Variants in NEMP2 observed in about 807,000 individuals in gnomAD.
The protein encoded by NEMP2 is UPF0571 transmembrane protein.
Under a neutral mutation model 54.2 loss-of-function variants are expected in NEMP2, and 53 were observed. That is an observed-to-expected ratio of 0.98 (90% CI 0.78 to 1.23). The LOEUF is 1.23. Ranked by LOEUF, NEMP2 falls within the 50% of genes most tolerant of loss-of-function variation. The probability of loss-of-function intolerance (pLI) is 0.00; values close to 1 mark genes in which losing one functional copy is unlikely to be tolerated. For synonymous variants in NEMP2, 197 were observed against 190.3 expected, an observed-to-expected ratio of 1.04 and a Z score of -0.29; for missense variants, 455 against 511.3, an observed-to-expected ratio of 0.89 and a Z score of 1.06.
At chr2:190,471,534 G>C in the NEMP2 span, among the ~76,000 whole-genome samples, 3 of 152,354 alleles carry the variant, frequency 2.0e-5, no homozygotes, top group Non-Finnish European at 4.4e-5. The surrounding 1 kb of genome is among the most constrained non-coding windows in gnomAD (Gnocchi z 4.7). Flanking sequence ...GCGGCAGTGA[G>C]GCTGGGGGAG....
At chr2:190,439,171 C>G in the NEMP2 span, among the ~76,000 whole-genome samples, 1 of 151,870 alleles carries the variant, frequency 6.6e-6, no homozygotes, top group Non-Finnish European at 1.5e-5. This position sits in a 1 kb window ranked among gnomAD's most constrained non-coding sequence, Gnocchi z 5.8. Flanking sequence ...TCAGCTTGGG[C>G]AGATGAGCAA....
chr2:190,516,214 A>G (rs1326227634), intron 6 of NEMP2, 56 bp downstream of exon 6: 2 of 1,248,548 alleles, frequency 1.6e-6, no homozygotes, highest in Non-Finnish European at 2.2e-6. Context: ...GAAGGCCTCT[A>G]GTTGTACATC....
At chr2:190,630,529 T>C in the NEMP2 span, among the ~76,000 whole-genome samples, 1 of 152,190 alleles carries the variant, frequency 6.6e-6, no homozygotes, top group Non-Finnish European at 1.5e-5. The surrounding 1 kb of genome is among the most constrained non-coding windows in gnomAD (Gnocchi z 5.5). Context: ...CTTTGAGTTT[T>C]GATGTGAAAT....
the NEMP2 span, among the ~76,000 whole-genome samples, chr2:190,453,304 A>G: frequency 6.6e-6 from 1 of 152,034 alleles, no homozygotes; most frequent in African/African-American, 2.4e-5. Context: ...GGGTAGGGGA[A>G]GAGGATCCTG....
At chr2:190,482,450 A>G in the NEMP2 span, among the ~76,000 whole-genome samples, 2 of 145,206 alleles carry the variant, frequency 1.4e-5, no homozygotes, top group African/African-American at 2.6e-5. Context: ...GCTTTGGTCT[A>G]TTCATGGGAA....
the NEMP2 span, among the ~76,000 whole-genome samples, chr2:190,475,875 T>C: frequency 6.6e-6 from 1 of 151,918 alleles, no homozygotes; most frequent in African/African-American, 2.4e-5. Context: ...TATAGACCAA[T>C]GGAACAGAAC....
In NEMP2 at chr2:190,529,918, C is replaced by A. The variant is rs1047849481; in HGVS notation, c.98-4540G>T. The stretch of plus-strand genomic sequence containing the variant: ...CTGGAAGCCACAGGCTGCACTTCCC[C>A]CTTGCCCTACCCCATGGCCAATACA... On this transcript the variant is annotated intron_variant, in intron 1 of 8. Coordinates refer to ENST00000409150, the MANE Select transcript of NEMP2 (RefSeq NM_001142645.2). The surrounding 1 kb of genome is among the most constrained non-coding windows in gnomAD (Gnocchi z 4.7). Among the ~76,000 whole-genome samples, 1 of 152,226 alleles carries A rather than the reference C, an allele frequency of 6.6e-6. No individual in the cohort carries two copies. Among genetic ancestry groups the A allele is most frequent in the African/African-American group, 2.4e-5 (1 of 41,458 alleles).
chr2:190,636,453 T>C, the NEMP2 span, among the ~76,000 whole-genome samples: 1 of 152,360 alleles, frequency 6.6e-6, no homozygotes, highest in South Asian at 2.1e-4. Flanking sequence ...AATACCATAT[T>C]GGAGGCTTTA....
the NEMP2 span, among the ~76,000 whole-genome samples, chr2:190,564,292 T>C: frequency 6.6e-6 from 1 of 152,248 alleles, no homozygotes; most frequent in South Asian, 2.1e-4. This position sits in a 1 kb window ranked among gnomAD's most constrained non-coding sequence, Gnocchi z 4.2. Flanking sequence ...CAGGAACCAT[T>C]TGTCCTTCTC....
At chr2:190,610,313 T>C in the NEMP2 span, 1 of 152,214 alleles carries the variant, frequency 6.6e-6, no homozygotes, top group African/African-American at 2.4e-5. This position sits in a 1 kb window ranked among gnomAD's most constrained non-coding sequence, Gnocchi z 5.4. Context: ...ATAGAAGGAA[T>C]CTAAGATGAG....
the NEMP2 span, among the ~76,000 whole-genome samples, chr2:190,432,457 C>T: frequency 6.6e-6 from 1 of 152,156 alleles, no homozygotes; most frequent in South Asian, 2.1e-4. Context: ...CTCCGTCACC[C>T]AGGCTGGAGA....
the NEMP2 span, among the ~76,000 whole-genome samples, chr2:190,588,349 G>GTCTCTT: frequency 3.9e-5 from 6 of 152,160 alleles, 1 homozygote; most frequent in Admixed American, 3.9e-4. This position sits in a 1 kb window ranked among gnomAD's most constrained non-coding sequence, Gnocchi z 5.0. Flanking sequence ...CAATCTTTCT[G>GTCTCTT]TCTCTTTCTC....
At chr2:190,532,266 T>C (rs368243243) in intron 1 of NEMP2, among the ~76,000 whole-genome samples, 1 of 152,034 alleles carries the variant, frequency 6.6e-6, no homozygotes, top group Non-Finnish European at 1.5e-5. Flanking sequence ...TTAACCTCAG[T>C]TTTTTTTAAC....
At chr2:190,499,820 C>T (rs528899537), downstream of NEMP2, 19 of 1,533,962 alleles carry the variant, frequency 1.2e-5, no homozygotes, top group Non-Finnish European at 1.5e-5. The surrounding 1 kb of genome is among the most constrained non-coding windows in gnomAD (Gnocchi z 6.0). Flanking sequence ...GTTTTTCATG[C>T]GGCTCTGGCA....
chr2:190,455,000 A>ATGTATATGTATATGTATATGTAT, the NEMP2 span, among the ~76,000 whole-genome samples: 174 of 46,602 alleles, frequency 3.7e-3, 1 homozygote, highest in African/African-American at 6.2e-3. This position sits in a 1 kb window ranked among gnomAD's most constrained non-coding sequence, Gnocchi z 4.6. Context: ...GTATATGTAT[A>ATGTATATGTATATGTATATGTAT]ATGTATATGT....
At chr2:190,645,650 T>C in the NEMP2 span, among the ~76,000 whole-genome samples, 3 of 152,254 alleles carry the variant, frequency 2.0e-5, no homozygotes, top group East Asian at 5.8e-4. Context: ...AGCCACTGAA[T>C]ATACAGCAGT....
rs1690792976 is a variant in NEMP2 at position 190,522,681 on chromosome 2, A to G, written c.213+2582T>C. Among the ~76,000 whole-genome samples, 1 of 152,210 alleles carries G rather than the reference A, an allele frequency of 6.6e-6. No individual in the cohort carries two copies. The highest frequency in any genetic ancestry group is 2.4e-5 in the African/African-American group (1 of 41,458). On this transcript the variant is annotated intron_variant, in intron 2 of 8. Transcript: ENST00000409150. The surrounding 1 kb of genome is among the most constrained non-coding windows in gnomAD (Gnocchi z 5.0). The stretch of plus-strand genomic sequence containing the variant: ...ATCAATACAGACCTTAAGTCTGATA[A>G]GAAGCATTTATAATCTATTCTCTCT...
At chr2:190,633,976 G>A in the NEMP2 span, among the ~76,000 whole-genome samples, 1 of 152,054 alleles carries the variant, frequency 6.6e-6, no homozygotes, top group Non-Finnish European at 1.5e-5. Flanking sequence ...GGAGGCTGAG[G>A]CAGGAAAATC....
the NEMP2 span, among the ~76,000 whole-genome samples, chr2:190,449,440 C>T: frequency 6.6e-6 from 1 of 151,854 alleles, no homozygotes; most frequent in Non-Finnish European, 1.5e-5. Context: ...CACCACTGCA[C>T]ACCCGCCTAG....
Sources: gnomAD v4.1 joint callset for allele counts (sites outside exome capture counted in the v4.1 genomes callset) on GRCh38, gnomAD v4.1.1 for gene constraint, Gnocchi (gnomAD v3.1) non-coding constraint, MANE v1.5 for transcripts, NCBI Gene and HGNC (gene_info 2026-07-23, HGNC 2026-07-21) for gene names.